The following RPS6KC1 variants were observed in gnomAD, a reference collection of about 807,000 sequenced individuals.
RPS6KC1 encodes inactive ribosomal protein S6 kinase delta-1.
Under a neutral mutation model 103.8 loss-of-function variants are expected in RPS6KC1, and 54 were observed. The ratio of observed to expected loss-of-function variants is 0.52; its 90% CI spans 0.42 to 0.65. The LOEUF (loss-of-function observed/expected upper bound fraction) is 0.65. Ranked by LOEUF, RPS6KC1 falls within the 30% of genes least tolerant of loss-of-function variation. The pLI, the probability that RPS6KC1 is intolerant of heterozygous loss-of-function variation, is 0.00. For synonymous variants in RPS6KC1, 439 were observed against 438.7 expected (o/e 1.00, Z -0.01); for missense variants, 1,151 against 1,253.8 (o/e 0.92, Z 1.24).
Position 213,185,179 on chromosome 1 carries a change from T to C in RPS6KC1, c.1044+8687T>C, listed in dbSNP as rs141878064. Among the ~76,000 whole-genome samples the C allele has an allele frequency of 5.0e-4, 76 of 152,328 alleles. 1 individual carries two copies. The East Asian group carries it at 0.014, about 28-fold the overall frequency. On this transcript the variant is annotated intron_variant, in intron 8 of 14. Coordinates refer to ENST00000366960, the MANE Select transcript of RPS6KC1 (RefSeq NM_012424.6). ...TGGTTTTACAATCTTAGATTTGTAGTCTGTTTTATCTAAGTAGAGCTACTC... is the reference window on the plus strand; with the variant it reads ...TGGTTTTACAATCTTAGATTTGTAGCCTGTTTTATCTAAGTAGAGCTACTC...
chr1:213,564,511 G>C, the RPS6KC1 span, among the ~76,000 whole-genome samples: 2 of 152,152 alleles, frequency 1.3e-5, no homozygotes, highest in Non-Finnish European at 2.9e-5. Context: ...GGGTATAGGG[G>C]TCATTGTTCA....
At chr1:213,728,964 T>TTTTTTTTTTTTTTC in the RPS6KC1 span, among the ~76,000 whole-genome samples, 10 of 143,242 alleles carry the variant, frequency 7.0e-5, 1 homozygote, top group East Asian at 1.9e-3. Flanking sequence ...TTTTTTTTTT[T>TTTTTTTTTTTTTTC]TACCAGTGGA....
the RPS6KC1 span, among the ~76,000 whole-genome samples, chr1:213,833,477 C>T: frequency 6.6e-6 from 1 of 152,126 alleles, no homozygotes; most frequent in Non-Finnish European, 1.5e-5. Flanking sequence ...AAGACCTCAC[C>T]CATGGATGAT....
chr1:213,318,466 G>T, the RPS6KC1 span, among the ~76,000 whole-genome samples: 1 of 152,140 alleles, frequency 6.6e-6, no homozygotes, highest in Non-Finnish European at 1.5e-5. Context: ...TTGAGTTTTG[G>T]TCTCCTTATT....
At chr1:213,641,635 GT>G in the RPS6KC1 span, among the ~76,000 whole-genome samples, 2 of 151,968 alleles carry the variant, frequency 1.3e-5, no homozygotes, top group Admixed American at 1.3e-4. Flanking sequence ...GCATGTGTGG[GT>G]TAAAGCTTAA....
chr1:213,114,919 G>T (rs1214074032), intron 4 of RPS6KC1, among the ~76,000 whole-genome samples: 1 of 152,144 alleles, frequency 6.6e-6, no homozygotes, highest in African/African-American at 2.4e-5. Flanking sequence ...GATCATGGTG[G>T]ATAAGCTTTT....
At chr1:213,616,355 G>A in the RPS6KC1 span, among the ~76,000 whole-genome samples, 1 of 152,200 alleles carries the variant, frequency 6.6e-6, no homozygotes, top group Non-Finnish European at 1.5e-5. Flanking sequence ...GGCAGGGCGG[G>A]GCAGGACAGC....
At chr1:213,420,993 A>G in the RPS6KC1 span, among the ~76,000 whole-genome samples, 1 of 152,158 alleles carries the variant, frequency 6.6e-6, no homozygotes, top group Non-Finnish European at 1.5e-5. Flanking sequence ...TAAGGACACC[A>G]GTCATATTGG....
At chr1:213,312,256 G>T in the RPS6KC1 span, among the ~76,000 whole-genome samples, 1 of 151,924 alleles carries the variant, frequency 6.6e-6, no homozygotes, top group Non-Finnish European at 1.5e-5. Flanking sequence ...AGTGCAGGGG[G>T]GGCAACTGCA....
intron 13 of RPS6KC1, among the ~76,000 whole-genome samples, chr1:213,262,134 GA>G (rs1263439708): frequency 6.6e-6 from 1 of 152,134 alleles, no homozygotes; most frequent in Non-Finnish European, 1.5e-5. Flanking sequence ...AATGACTTTT[GA>G]ATATGATGTT....
At chr1:213,846,850 T>C in the RPS6KC1 span, among the ~76,000 whole-genome samples, 4 of 152,020 alleles carry the variant, frequency 2.6e-5, no homozygotes, top group Non-Finnish European at 5.9e-5. Context: ...ATATCAGAAA[T>C]TTATCCAATT....
the RPS6KC1 span, among the ~76,000 whole-genome samples, chr1:213,466,224 C>A: frequency 6.6e-6 from 1 of 151,970 alleles, no homozygotes. Flanking sequence ...GCCATACAAC[C>A]TAAGTAAAAA....
intron 8 of RPS6KC1, among the ~76,000 whole-genome samples, chr1:213,201,317 C>A (rs1489878152): frequency 6.6e-6 from 1 of 152,036 alleles, no homozygotes; most frequent in Non-Finnish European, 1.5e-5. Flanking sequence ...CATGGAGAAA[C>A]CTTAAATGCA....
At chr1:213,249,522 C>CAG (rs890477193) in intron 12 of RPS6KC1, among the ~76,000 whole-genome samples, 5 of 152,272 alleles carry the variant, frequency 3.3e-5, no homozygotes, top group African/African-American at 7.2e-5. Context: ...AGCAGAGCGG[C>CAG]AGAGAGAGAG....
At chr1:213,832,883 T>C in the RPS6KC1 span, among the ~76,000 whole-genome samples, 13 of 152,210 alleles carry the variant, frequency 8.5e-5, no homozygotes, top group African/African-American at 3.1e-4. Context: ...AGACTGCTAC[T>C]AACTGAGGCC....
the RPS6KC1 span, among the ~76,000 whole-genome samples, chr1:213,599,112 T>C: frequency 6.6e-6 from 1 of 152,172 alleles, no homozygotes; most frequent in Non-Finnish European, 1.5e-5. Flanking sequence ...TCATTTTCCC[T>C]GTGTGGTATT....
At chr1:213,427,904 C>A in the RPS6KC1 span, among the ~76,000 whole-genome samples, 80 of 152,220 alleles carry the variant, frequency 5.3e-4, 2 homozygotes, top group Non-Finnish European at 2.9e-5. Flanking sequence ...GGATGCTAAG[C>A]AGTAGGAATC....
the RPS6KC1 span, among the ~76,000 whole-genome samples, chr1:213,387,135 T>C: frequency 1.3e-5 from 2 of 152,168 alleles, no homozygotes; most frequent in Admixed American, 6.5e-5. Context: ...TCAACAACCA[T>C]GAAGAGGATC....
the RPS6KC1 span, among the ~76,000 whole-genome samples, chr1:213,825,477 A>G: frequency 6.6e-6 from 1 of 152,210 alleles, no homozygotes; most frequent in Non-Finnish European, 1.5e-5. Context: ...CCGGTGCTAG[A>G]GGGATACTGA....
Sources: gnomAD v4.1 joint callset for allele counts (sites outside exome capture counted in the v4.1 genomes callset) on GRCh38, gnomAD v4.1.1 for gene constraint, MANE v1.5 for transcripts, NCBI Gene and HGNC (gene_info 2026-07-23, HGNC 2026-07-21) for gene names.